The following PDE11A variants were observed in gnomAD, a reference collection of about 807,000 sequenced individuals.
The protein encoded by PDE11A is dual 3',5'-cyclic-AMP and -GMP phosphodiesterase 11A.
PDE11A carries 100 observed loss-of-function variants against 100.5 expected under a neutral mutation model. That is an observed-to-expected ratio of 1.00 (90% CI 0.85 to 1.18). PDE11A has a LOEUF of 1.18. Among genes scored for constraint, PDE11A ranks in the 50% most tolerant of loss-of-function variants. PDE11A has a pLI of 0.00. For missense variants in PDE11A, 1,141 were observed against 1,152.6 expected (o/e 0.99, Z 0.15); for synonymous variants, 381 against 420.8 (o/e 0.91, Z 1.16).
intron 1 of PDE11A, among the ~76,000 whole-genome samples, chr2:178,040,532 T>C (rs966787477): frequency 1.3e-5 from 2 of 152,222 alleles, no homozygotes; most frequent in Non-Finnish European, 1.5e-5. Context: ...TTCCGATATG[T>C]TCAGCACACA....
chr2:178,033,297 T>A (rs2086571656), intron 1 of PDE11A, among the ~76,000 whole-genome samples: 2 of 152,004 alleles, frequency 1.3e-5, no homozygotes, highest in Non-Finnish European at 2.9e-5. Context: ...AGAAAGAATA[T>A]CAGAGATTGA....
chr2:177,804,921 G>A (rs1384492600), intron 9 of PDE11A, among the ~76,000 whole-genome samples: 5 of 151,770 alleles, frequency 3.3e-5, no homozygotes, highest in Admixed American at 2.6e-4. Context: ...AGACATGGAA[G>A]GCTACAAAAG....
At chr2:178,093,924 C>A (rs1213276916) in intron 2 of PDE11A, among the ~76,000 whole-genome samples, 1 of 152,034 alleles carries the variant, frequency 6.6e-6, no homozygotes, top group African/African-American at 2.4e-5. Context: ...CCAGTCTTTG[C>A]CAGCTGAAGT....
intron 13 of PDE11A, among the ~76,000 whole-genome samples, chr2:177,704,422 G>A (rs1341390627): frequency 6.6e-6 from 1 of 151,242 alleles, no homozygotes; most frequent in East Asian, 2.0e-4. Flanking sequence ...TATTAGATTT[G>A]GCCCCTGGCA....
chr2:177,692,807 C>T (rs942329137), intron 15 of PDE11A, among the ~76,000 whole-genome samples: 2 of 152,224 alleles, frequency 1.3e-5, no homozygotes, highest in African/African-American at 4.8e-5. Flanking sequence ...CAAGGACACA[C>T]AAGGTCTTTA....
intron 2 of PDE11A, among the ~76,000 whole-genome samples, chr2:177,936,174 A>T (rs556161003): frequency 6.6e-6 from 1 of 152,314 alleles, no homozygotes; most frequent in South Asian, 2.1e-4. Context: ...TGGCAGATTG[A>T]AGTGTGAAAA....
intron 2 of PDE11A, among the ~76,000 whole-genome samples, chr2:177,946,801 C>CT (rs2085442216): frequency 9.5e-6 from 1 of 105,532 alleles, no homozygotes; most frequent in Admixed American, 8.5e-5. Context: ...GTCAGCCCCC[C>CT]GCCCGGCCAG....
chr2:177,730,159 G>A (rs1414757427), intron 10 of PDE11A, among the ~76,000 whole-genome samples: 3 of 152,076 alleles, frequency 2.0e-5, no homozygotes, highest in Non-Finnish European at 2.9e-5. Context: ...CATGTGCCAC[G>A]TTGGTGTGTT....
At chr2:177,666,948 T>C (rs6433686) in intron 18 of PDE11A, among the ~76,000 whole-genome samples, 122,455 of 150,934 alleles carry the variant, frequency 0.81, 50,450 homozygotes, top group East Asian at 0.98. Context: ...GAGAGAGTCT[T>C]GCTCTGTCAC....
chr2:177,679,427 G>GTGCA (rs1444125506), intron 16 of PDE11A, among the ~76,000 whole-genome samples: 5 of 152,062 alleles, frequency 3.3e-5, no homozygotes, highest in Admixed American at 1.3e-4. Flanking sequence ...TTTCCTAAGG[G>GTGCA]TGCATGTGTA....
chr2:177,639,766 G>A (rs2080111537), intron 19 of PDE11A, among the ~76,000 whole-genome samples: 2 of 152,052 alleles, frequency 1.3e-5, no homozygotes, highest in African/African-American at 4.8e-5. Context: ...GTTACCTCTT[G>A]GAACCCAGCT....
intron 17 of PDE11A, among the ~76,000 whole-genome samples, chr2:177,673,873 C>T (rs2105493942): frequency 6.6e-6 from 1 of 152,266 alleles, no homozygotes; most frequent in African/African-American, 2.4e-5. Context: ...CATTTAATTG[C>T]CAGTGCAAGA....
chr2:178,069,272 G>C (rs2087092352), intron 1 of PDE11A, among the ~76,000 whole-genome samples: 1 of 152,110 alleles, frequency 6.6e-6, no homozygotes, highest in Admixed American at 6.5e-5. Flanking sequence ...AATTGAGGCT[G>C]TGAGAGATTA....
intron 12 of PDE11A, chr2:177,723,268 T>C (rs918843169): frequency 6.6e-6 from 1 of 152,122 alleles, no homozygotes; most frequent in African/African-American, 2.4e-5. Context: ...ATCAATAAAA[T>C]GGTTTGGCTT....
chr2:177,815,417 C>G (rs1291988759), intron 9 of PDE11A, among the ~76,000 whole-genome samples: 1 of 152,134 alleles, frequency 6.6e-6, no homozygotes, highest in Non-Finnish European at 1.5e-5. Context: ...TGGTTGAATA[C>G]TTATAGTTCA....
At chr2:177,790,707 AC>A (rs2082616630) in intron 9 of PDE11A, among the ~76,000 whole-genome samples, 4 of 151,976 alleles carry the variant, frequency 2.6e-5, no homozygotes, top group Admixed American at 1.3e-4. Flanking sequence ...AAAACAAACA[AC>A]CCCATCAAAA....
At chr2:177,680,787 A>G (rs2105505776) in intron 16 of PDE11A, 39 bp downstream of exon 16, 1 of 1,139,176 alleles carries the variant, frequency 8.8e-7, no homozygotes, top group East Asian at 2.3e-5. Flanking sequence ...CTAAATGTCC[A>G]AATAATGAAG....
At chr2:177,946,078 G>T (rs2085421703) in intron 2 of PDE11A, among the ~76,000 whole-genome samples, 1 of 125,582 alleles carries the variant, frequency 8.0e-6, no homozygotes, top group African/African-American at 3.3e-5. Flanking sequence ...CGCCTGGCCA[G>T]CCGCCCCGTC....
At chr2:177,745,570 C>T (rs116789710) in intron 10 of PDE11A, among the ~76,000 whole-genome samples, 32 of 152,192 alleles carry the variant, frequency 2.1e-4, no homozygotes, top group Non-Finnish European at 4.6e-4. Flanking sequence ...TCCCACTCCA[C>T]TGGCAGGCTT....
Sources: allele counts gnomAD v4.1 joint callset (sites outside exome capture counted in the v4.1 genomes callset), GRCh38; gene constraint gnomAD v4.1.1; transcripts MANE v1.5; gene names NCBI Gene and HGNC (gene_info 2026-07-23, HGNC 2026-07-21).